The following SEMA3C variants were observed in gnomAD, a reference collection of about 807,000 sequenced individuals.
The protein encoded by SEMA3C is semaphorin 3C.
Under a neutral mutation model 89.4 loss-of-function variants are expected in SEMA3C, and 47 were observed. That is an observed-to-expected ratio of 0.53 (90% CI 0.42 to 0.67). The LOEUF (loss-of-function observed/expected upper bound fraction) is 0.67. Among genes scored for constraint, SEMA3C ranks in the 30% least tolerant of loss-of-function variants. SEMA3C has a pLI of 0.00. For missense variants in SEMA3C, 839 were observed against 929.1 expected (o/e 0.90, Z 1.26); for synonymous variants, 310 against 320.2 (o/e 0.97, Z 0.34).
chr7:80,914,627 G>A (rs1792227641), intron 2 of SEMA3C, among the ~76,000 whole-genome samples: 1 of 151,964 alleles, frequency 6.6e-6, no homozygotes, highest in African/African-American at 2.4e-5. Context: ...CTATCTCTCT[G>A]ATTATTTGCT....
At chr7:80,865,166 C>T (rs897049607) in intron 2 of SEMA3C, among the ~76,000 whole-genome samples, 49 of 152,012 alleles carry the variant, frequency 3.2e-4, no homozygotes, top group Admixed American at 1.4e-3. Flanking sequence ...TTAAAAAGGT[C>T]ACTTAAAGCT....
chr7:80,743,467 T>A lies in SEMA3C; in HGVS notation c.*1427A>T, dbSNP rs989801696. 6.6e-6 allele frequency: 1 copy of A among 151,888 alleles called. No individual in the cohort carries two copies. Among genetic ancestry groups the A allele is most frequent in the African/African-American group, 2.4e-5 (1 of 41,434 alleles). 9.4% of individuals were successfully genotyped at this position (151,888 alleles called of 1,614,324 possible). A position where few individuals can be genotyped will look rare whatever the true frequency, so the allele number is the denominator to read the frequency against. ...ATTAACTATAAATAAAATGTTTATA[T>A]GATATTTGGATTAGGTACATGGTAC... is the stretch of plus-strand genomic sequence containing the variant. On this transcript the variant is annotated 3_prime_UTR_variant, in exon 18 of 18. Coordinates refer to ENST00000265361, the MANE Select transcript of SEMA3C (RefSeq NM_006379.5).
intron 2 of SEMA3C, among the ~76,000 whole-genome samples, chr7:80,835,140 G>A (rs923220519): frequency 6.6e-6 from 1 of 151,972 alleles, no homozygotes; most frequent in Non-Finnish European, 1.5e-5. Flanking sequence ...CAATTCCCAG[G>A]AGTCCCTAGA....
intron 6 of SEMA3C, among the ~76,000 whole-genome samples, chr7:80,807,730 G>A (rs1789375512): frequency 6.6e-6 from 1 of 152,126 alleles, no homozygotes; most frequent in South Asian, 2.1e-4. Context: ...ACTACATCAT[G>A]AAATTTGGAA....
At chr7:80,803,508 C>A (rs1044698572) in intron 8 of SEMA3C, among the ~76,000 whole-genome samples, 1 of 152,114 alleles carries the variant, frequency 6.6e-6, no homozygotes, top group Non-Finnish European at 1.5e-5. Context: ...GGATGCTAAT[C>A]ATAAATAAGT....
intron 15 of SEMA3C, among the ~76,000 whole-genome samples, chr7:80,755,203 T>C (rs1429557872): frequency 6.6e-6 from 1 of 151,740 alleles, no homozygotes; most frequent in Non-Finnish European, 1.5e-5. Flanking sequence ...GATAGACTCA[T>C]TTCTTTGTTT....
chr7:80,893,045 T>C (rs1791652556), intron 2 of SEMA3C, among the ~76,000 whole-genome samples: 1 of 152,192 alleles, frequency 6.6e-6, no homozygotes, highest in Non-Finnish European at 1.5e-5. Flanking sequence ...TTAAGCTCCT[T>C]CATTAGCAGA....
intron 2 of SEMA3C, among the ~76,000 whole-genome samples, chr7:80,841,697 T>A (rs369266065): frequency 3.3e-5 from 5 of 152,272 alleles, no homozygotes; most frequent in African/African-American, 1.2e-4. Flanking sequence ...CCAGCAAAAA[T>A]TCTTGAACTA....
rs117826758 is a variant in SEMA3C, at chr7:80,905,648, G to A, written c.103+11031C>T. On this transcript the variant is annotated intron_variant, in intron 2 of 17. Coordinates refer to ENST00000265361, the MANE Select transcript of SEMA3C (RefSeq NM_006379.5). ...CCATTCAGTTTGTAACTATGATAAAGCTAATCCCTGCTAGCAAAATGATTA... is the reference window on the plus strand; with the variant it reads ...CCATTCAGTTTGTAACTATGATAAAACTAATCCCTGCTAGCAAAATGATTA... 9.2e-3 allele frequency among the ~76,000 whole-genome samples: 1,406 copies of A among 152,244 alleles called. 7 individuals carry two copies. The highest frequency in any genetic ancestry group is 0.024 in the South Asian group (114 of 4,824).
At chr7:80,788,948 A>T (rs1452539607) in intron 12 of SEMA3C, among the ~76,000 whole-genome samples, 2 of 152,188 alleles carry the variant, frequency 1.3e-5, no homozygotes, top group Admixed American at 1.3e-4. Context: ...AGACAAGAAG[A>T]AGTTTTTCAC....
intron 6 of SEMA3C, 77 bp from the exon 7 acceptor site, chr7:80,805,835 A>G: frequency 1.0e-6 from 1 of 976,934 alleles, no homozygotes; most frequent in Non-Finnish European, 1.5e-6. Flanking sequence ...ATTTATTAGG[A>G]GATCACCACA....
intron 9 of SEMA3C, 38 bp from the exon 10 acceptor site, chr7:80,800,864 A>G (rs1234644242): frequency 2.9e-6 from 4 of 1,363,180 alleles, no homozygotes; most frequent in African/African-American, 1.5e-5. Flanking sequence ...GTTTCTAAAT[A>G]TTAACTTCTT....
chr7:80,802,072 T>C (rs1789222310), intron 9 of SEMA3C, among the ~76,000 whole-genome samples: 1 of 152,046 alleles, frequency 6.6e-6, no homozygotes, highest in African/African-American at 2.4e-5. Flanking sequence ...CCCTGGGATA[T>C]TCAGATTAAA....
intron 11 of SEMA3C, among the ~76,000 whole-genome samples, chr7:80,792,662 G>T (rs532565640): frequency 3.7e-4 from 56 of 152,170 alleles, no homozygotes; most frequent in African/African-American, 1.3e-3. Context: ...AAGTTACTTT[G>T]CATTCATTAA....
At position 80,743,326 on chromosome 7, in the gene SEMA3C, TTC is replaced by T. The variant is rs1199962954; in HGVS notation, c.*1566_*1567del. ...ATCATAGTTTAAATAGTGAATCATATTCTGATATTCTGATTAATAATCATATT... is the reference window on the plus strand; with the variant it reads ...ATCATAGTTTAAATAGTGAATCATATTGATATTCTGATTAATAATCATATT... On this transcript the variant is annotated 3_prime_UTR_variant, in exon 18 of 18. Transcript: ENST00000265361. 3 of 151,922 alleles carry T rather than the reference TTC, an allele frequency of 2.0e-5. No homozygotes were observed. Among genetic ancestry groups the T allele is most frequent in the Non-Finnish European group, 4.4e-5 (3 of 67,816 alleles). The allele number at this position is 151,922 out of a possible 1,614,324, so 9.4% of individuals were successfully genotyped here.
At chr7:80,776,881 AT>A (rs943117797) in intron 12 of SEMA3C, among the ~76,000 whole-genome samples, 3 of 152,116 alleles carry the variant, frequency 2.0e-5, no homozygotes, top group African/African-American at 7.2e-5. Context: ...TTCACTGCTT[AT>A]TTCTAGTGAA....
chr7:80,919,460 T>C, upstream of SEMA3C: 1 of 847,678 alleles, frequency 1.2e-6, no homozygotes, highest in Middle Eastern at 6.0e-4. Context: ...TGCAAAGCAG[T>C]TGTGGTTTTT....
chr7:80,904,347 C>A (rs964069209), intron 2 of SEMA3C, among the ~76,000 whole-genome samples: 1 of 152,126 alleles, frequency 6.6e-6, no homozygotes, highest in African/African-American at 2.4e-5. Flanking sequence ...GGCCTAAATA[C>A]CTTTTCATGT....
chr7:80,820,225 T>A (rs1332302496), intron 4 of SEMA3C, among the ~76,000 whole-genome samples: 3 of 138,168 alleles, frequency 2.2e-5, no homozygotes, highest in African/African-American at 7.4e-5. Flanking sequence ...ACCCAGCTAA[T>A]TTTTTTTTGT....
Sources: allele counts gnomAD v4.1 joint callset (sites outside exome capture counted in the v4.1 genomes callset), GRCh38; gene constraint gnomAD v4.1.1; transcripts MANE v1.5; gene names NCBI Gene and HGNC (gene_info 2026-07-23, HGNC 2026-07-21).